The following AGK variants were observed in gnomAD, a reference collection of about 807,000 sequenced individuals.
The protein encoded by AGK is acylglycerol kinase.
AGK carries 52 observed loss-of-function variants against 66.4 expected under a neutral mutation model. The observed-to-expected ratio is 0.78, with a 90% confidence interval of 0.63 to 0.99. AGK has a LOEUF of 0.99. Among genes scored for constraint, AGK ranks in the 50% least tolerant of loss-of-function variants. The pLI is 0.00. For missense variants in AGK, 451 were observed against 506.6 expected (o/e 0.89, Z 1.05); for synonymous variants, 182 against 181.1 (o/e 1.00, Z -0.04).
At chr7:141,633,652 A>G (rs181724969) in intron 9 of AGK, among the ~76,000 whole-genome samples, 1 of 152,346 alleles carries the variant, frequency 6.6e-6, no homozygotes, top group East Asian at 1.9e-4. Flanking sequence ...AGTCCAAAGT[A>G]TGACAGTATG....
intron 2 of AGK, among the ~76,000 whole-genome samples, chr7:141,575,178 GT>G (rs1392018622): frequency 6.6e-6 from 1 of 152,178 alleles, no homozygotes; most frequent in East Asian, 1.9e-4. Flanking sequence ...TCTTGATTGC[GT>G]TTTTGTCATT....
At chr7:141,576,326 G>A in intron 2 of AGK, among the ~76,000 whole-genome samples, 1 of 152,042 alleles carries the variant, frequency 6.6e-6, no homozygotes, top group African/African-American at 2.4e-5. Flanking sequence ...TATTCCTGAT[G>A]CAGGTAGCCC....
chr7:141,634,323 T>C (rs1797122499), intron 10 of AGK, among the ~76,000 whole-genome samples: 1 of 152,204 alleles, frequency 6.6e-6, no homozygotes, highest in South Asian at 2.1e-4. Flanking sequence ...CTTAGCTGGG[T>C]ACCAAGTGGA....
chr7:141,648,150 G>A (rs1229529555), intron 13 of AGK, among the ~76,000 whole-genome samples: 2 of 152,046 alleles, frequency 1.3e-5, no homozygotes, highest in East Asian at 3.9e-4. Context: ...TCATAACACA[G>A]CCACTGCCAT....
chr7:141,557,843 TGTG>T (rs1273735062), intron 2 of AGK, among the ~76,000 whole-genome samples: 4 of 152,304 alleles, frequency 2.6e-5, no homozygotes, highest in South Asian at 2.1e-4. Context: ...TTTAAAAAAT[TGTG>T]GTGAAAAAAC....
At chr7:141,586,632 T>G (rs1796000143) in intron 2 of AGK, among the ~76,000 whole-genome samples, 1 of 152,158 alleles carries the variant, frequency 6.6e-6, no homozygotes, top group Admixed American at 6.5e-5. Context: ...GGTTGTATTG[T>G]GCTTGGCCTT....
intron 2 of AGK, among the ~76,000 whole-genome samples, chr7:141,564,725 CTCCTTT>C (rs1473923658): frequency 6.6e-6 from 1 of 152,094 alleles, no homozygotes; most frequent in Non-Finnish European, 1.5e-5. Context: ...TCTTCTTCTT[CTCCTTT>C]GTTACTTTTT....
chr7:141,613,797 A>G (rs7798269), intron 6 of AGK, among the ~76,000 whole-genome samples: 71,834 of 151,892 alleles, frequency 0.47, 17,175 homozygotes, highest in East Asian at 0.57. Flanking sequence ...TTTCCTGTAT[A>G]TGTACTTCAT....
intron 2 of AGK, among the ~76,000 whole-genome samples, chr7:141,587,245 C>A (rs1587095047): frequency 6.6e-6 from 1 of 152,224 alleles, no homozygotes; most frequent in Admixed American, 6.5e-5. Flanking sequence ...CTGTCCTCTT[C>A]TCTGTGTCCC....
At chr7:141,647,153 C>G (rs1797431428) in intron 13 of AGK, among the ~76,000 whole-genome samples, 1 of 147,982 alleles carries the variant, frequency 6.8e-6, no homozygotes, top group African/African-American at 2.5e-5. Context: ...CTGGGCCGTT[C>G]TTACACATTT....
intron 4 of AGK, among the ~76,000 whole-genome samples, 191 bp from the exon 5 acceptor site, chr7:141,601,014 A>G (rs1352301501): frequency 2.0e-5 from 3 of 152,166 alleles, no homozygotes; most frequent in African/African-American, 7.2e-5. Context: ...CAAAGGCCCC[A>G]GAGTTTAAGG....
chr7:141,646,558 CA>C (rs955341651), intron 13 of AGK, among the ~76,000 whole-genome samples: 38 of 152,140 alleles, frequency 2.5e-4, no homozygotes, highest in Non-Finnish European at 3.8e-4. Context: ...GCCTCCAGAA[CA>C]AAGCTTTAGA....
chr7:141,604,310 C>T lies in AGK; in HGVS notation c.297+3030C>T, dbSNP rs188669463. Among the ~76,000 whole-genome samples, 623 of 147,320 alleles carry T rather than the reference C, an allele frequency of 4.2e-3. 3 individuals are homozygous for T. The highest frequency in any genetic ancestry group is 5.2e-3 in the Non-Finnish European group (352 of 67,050). ...CTCAAATACTGTATTAACATTTTAC[C>T]ATGTTTACACATGCTCTCTCTTTAC... On this transcript the variant is annotated intron_variant, in intron 5 of 15. Coordinates refer to ENST00000649286, the MANE Select transcript of AGK (RefSeq NM_018238.4).
intron 13 of AGK, among the ~76,000 whole-genome samples, chr7:141,645,072 T>C (rs13227744): frequency 0.035 from 5,372 of 152,216 alleles, 147 homozygotes; most frequent in South Asian, 0.14. Flanking sequence ...AGAATGTTTA[T>C]TTTATTAAAT....
At chr7:141,587,534 G>A (rs1430484887) in intron 2 of AGK, among the ~76,000 whole-genome samples, 2 of 152,144 alleles carry the variant, frequency 1.3e-5, no homozygotes, top group African/African-American at 4.8e-5. Flanking sequence ...GCCTCCAGCG[G>A]TTCCGAACTA....
At chr7:141,583,885 G>C (rs1795938892) in intron 2 of AGK, among the ~76,000 whole-genome samples, 1 of 151,970 alleles carries the variant, frequency 6.6e-6, no homozygotes, top group Non-Finnish European at 1.5e-5. Context: ...AGAGTAAAAA[G>C]AGGCCGCTTA....
At chr7:141,610,573 T>C (rs1482409785) in intron 5 of AGK, among the ~76,000 whole-genome samples, 2 of 152,226 alleles carry the variant, frequency 1.3e-5, no homozygotes, top group East Asian at 3.8e-4. Flanking sequence ...TCTTTATGTA[T>C]GGTCATAACA....
In AGK at chr7:141,593,362, C is replaced by T. The variant is rs534372983; in HGVS notation, c.141+177C>T. 1.1e-5 allele frequency: 8 copies of T among 714,292 alleles called. No homozygotes were observed. The East Asian group carries it at 1.9e-4, about 17-fold the overall frequency. The allele number at this position is 714,292 out of a possible 1,614,324, so 44.2% of individuals were successfully genotyped here. A position where few individuals can be genotyped will look rare whatever the true frequency, so the allele number is the denominator to read the frequency against. ...TCTGAGTAGAACTCCAGGAAGTTAA[C>T]CATCTGGTGAAGAGCAGTTCTGACG... On this transcript the variant is annotated intron_variant, in intron 3 of 15. Transcript: ENST00000649286.
At chr7:141,647,030 C>T (rs963131822) in intron 13 of AGK, among the ~76,000 whole-genome samples, 1 of 152,136 alleles carries the variant, frequency 6.6e-6, no homozygotes, top group Non-Finnish European at 1.5e-5. Flanking sequence ...CCTCCTGACT[C>T]ATCACTGCTT....
Sources: gnomAD v4.1 joint callset for allele counts (sites outside exome capture counted in the v4.1 genomes callset) on GRCh38, gnomAD v4.1.1 for gene constraint, MANE v1.5 for transcripts, NCBI Gene and HGNC (gene_info 2026-07-23, HGNC 2026-07-21) for gene names.